Variants in ST7L observed in about 807,000 individuals in gnomAD.
ST7L encodes suppressor of tumorigenicity 7 protein-like.
In ST7L, 57 loss-of-function variants were observed where a neutral mutation model predicts 72.5. The observed-to-expected ratio is 0.79, with a 90% CI of 0.64 to 0.98. The LOEUF is 0.98. Among genes scored for constraint, ST7L ranks in the 50% least tolerant of loss-of-function variants. The pLI, the probability that ST7L is intolerant of heterozygous loss-of-function variation, is 0.00. For missense variants in ST7L, 576 were observed against 672.2 expected (o/e 0.86, Z 1.58); for synonymous variants, 221 against 240.9 (o/e 0.92, Z 0.77).
intron 14 of ST7L, among the ~76,000 whole-genome samples, chr1:112,534,211 C>T (rs1172345403): frequency 6.6e-6 from 1 of 152,208 alleles, no homozygotes; most frequent in Non-Finnish European, 1.5e-5. Flanking sequence ...TATCACCACT[C>T]TGTCATTCTC....
chr1:112,540,154 A>G (rs1655876991), intron 14 of ST7L: 2 of 985,298 alleles, frequency 2.0e-6, no homozygotes, highest in Non-Finnish European at 2.4e-6. Flanking sequence ...GAAATATACT[A>G]CTAACAGTTG....
rs1429467547 is a variant in ST7L, at chr1:112,541,972, G to T, written c.1608C>A (p.Ile536=). ...IAILTHQFPE[I]MGIFAKAVLG... ...TTACAGCTTTAGCAAAAATACCCAT[G>T]ATTTCAGGAAACTGGTGAGTGAGAA... Residue 536 remains isoleucine (I), a synonymous_variant, in exon 14 of 15, where the codon ATC becomes ATA. Coordinates refer to ENST00000358039, the MANE Select transcript of ST7L (RefSeq NM_017744.5). The T allele has an allele frequency of 6.2e-6, 10 of 1,613,670 alleles. No individual in the cohort carries two copies. Among genetic ancestry groups the T allele is most frequent in the Non-Finnish European group, 7.6e-6 (9 of 1,179,906 alleles).
At chr1:112,609,004 T>C (rs1232396848) in intron 3 of ST7L, among the ~76,000 whole-genome samples, 1 of 152,168 alleles carries the variant, frequency 6.6e-6, no homozygotes, top group African/African-American at 2.4e-5. Flanking sequence ...GGTTATTACC[T>C]ATCCCAGTGA....
intron 11 of ST7L, among the ~76,000 whole-genome samples, chr1:112,559,115 T>G (rs940129050): frequency 6.6e-5 from 10 of 152,222 alleles, no homozygotes; most frequent in African/African-American, 2.4e-4. Flanking sequence ...TCCGAAGCCT[T>G]AAACCCCAAC....
At chr1:112,527,786 C>G (rs1653701885) in intron 14 of ST7L, 1 of 152,244 alleles carries the variant, frequency 6.6e-6, no homozygotes, top group African/African-American at 2.4e-5. Context: ...TTGTAGGGAT[C>G]TATTCAGCAG....
In ST7L at chr1:112,592,979, C is replaced by A. The variant is rs545307564; in HGVS notation, c.623-1376G>T. ...AAAAAGACTCCAGATATACACCCCCCAAATTCCACAATAAGACTGTATTAA... is the reference window on the plus strand; with the variant it reads ...AAAAAGACTCCAGATATACACCCCCAAAATTCCACAATAAGACTGTATTAA... On this transcript the variant is annotated intron_variant, in intron 5 of 14. Coordinates refer to ENST00000358039, the MANE Select transcript of ST7L (RefSeq NM_017744.5). Among the ~76,000 whole-genome samples the A allele has an allele frequency of 3.3e-5, 5 of 152,248 alleles. No individual in the cohort carries two copies. In the East Asian group the frequency reaches 9.6e-4, roughly 29 times the overall value.
chr1:112,574,496 A>G (rs1209715291), intron 11 of ST7L, among the ~76,000 whole-genome samples: 1 of 151,714 alleles, frequency 6.6e-6, no homozygotes, highest in Non-Finnish European at 1.5e-5. Flanking sequence ...CGTCTCTACT[A>G]AAAATACAAA....
chr1:112,555,898 G>C lies in ST7L; in HGVS notation c.1366C>G (p.Leu456Val), dbSNP rs1659032870. 1.2e-6 allele frequency: 2 copies of C among 1,607,286 alleles called. No individual in the cohort carries two copies. Among genetic ancestry groups the C allele is most frequent in the Non-Finnish European group, 1.7e-6 (2 of 1,176,368 alleles). Reference protein sequence around the residue: ...LQHWKRIEGALNLLQCTWEGT... With the variant: ...LQHWKRIEGAVNLLQCTWEGT... ...TCCCATGTACACTGTAACAGATTAA[G>C]AGCACCTTCTATTCGTTTCCAGTGC... is the stretch of plus-strand genomic sequence containing the variant. The change falls in exon 12 of 15, where the codon CTT (leucine) becomes GTT (valine). Residue 456 changes from leucine to valine, a missense_variant. Physicochemically the swap from Leu to Val is conservative, Grantham distance 32. Transcript: ENST00000358039.
chr1:112,606,909 A>G (rs192820721), intron 3 of ST7L, among the ~76,000 whole-genome samples: 3 of 152,054 alleles, frequency 2.0e-5, no homozygotes, highest in Non-Finnish European at 4.4e-5. Flanking sequence ...TCTCCTAAAA[A>G]CCCTAGCTCC....
rs1371110564 is a variant in ST7L at position 112,570,736 on chromosome 1, C to A, written c.1245+6250G>T. On this transcript the variant is annotated intron_variant, in intron 11 of 14. Coordinates refer to ENST00000358039, the MANE Select transcript of ST7L (RefSeq NM_017744.5). The stretch of plus-strand genomic sequence containing the variant: ...TAACAGGAGAAAAAGAGGGTCTGTA[C>A]ATACTTCATCAATTGTAAAACCCTA... 7.9e-5 allele frequency: 36 copies of A among 456,252 alleles called. 1 individual carries two copies. The Admixed American group carries it at 8.5e-4, about 11-fold the overall frequency. The allele number at this position is 456,252 out of a possible 1,614,324, so 28.3% of individuals were successfully genotyped here. A position where few individuals can be genotyped will look rare whatever the true frequency, so the allele number is the denominator to read the frequency against.
chr1:112,583,904 G>T, intron 7 of ST7L, 68 bp downstream of exon 7: 3 of 1,509,318 alleles, frequency 2.0e-6, no homozygotes, highest in Non-Finnish European at 2.7e-6. Flanking sequence ...TATTATTGTT[G>T]TTTGTGTTAA....
intron 10 of ST7L, among the ~76,000 whole-genome samples, chr1:112,577,846 T>C (rs887511090): frequency 3.9e-5 from 6 of 152,262 alleles, no homozygotes; most frequent in Admixed American, 6.5e-5. Context: ...GGTTTCTGAG[T>C]ATCTTACCTG....
intron 14 of ST7L, chr1:112,529,028 T>C (rs984913628): frequency 2.0e-5 from 3 of 152,214 alleles, no homozygotes; most frequent in African/African-American, 7.2e-5. Flanking sequence ...GTCATACTTC[T>C]TAACCAAACT....
intron 6 of ST7L, 60 bp from the exon 7 acceptor site, chr1:112,584,186 G>T: frequency 6.6e-7 from 1 of 1,524,902 alleles, no homozygotes; most frequent in Non-Finnish European, 8.8e-7. Context: ...TTTTCTCTTG[G>T]TTATGTCCCT....
At chr1:112,588,044 ATCTT>A (rs1665131017) in intron 6 of ST7L, among the ~76,000 whole-genome samples, 1 of 152,230 alleles carries the variant, frequency 6.6e-6, no homozygotes. Flanking sequence ...AAGTATTTAA[ATCTT>A]TCTGATGCTT....
chr1:112,561,968 C>CTTT (rs35922454), intron 11 of ST7L, among the ~76,000 whole-genome samples: 3 of 136,812 alleles, frequency 2.2e-5, no homozygotes, highest in Non-Finnish European at 1.6e-5. Flanking sequence ...TAAAACTTTA[C>CTTT]TTTTTTTTTT....
intron 6 of ST7L, among the ~76,000 whole-genome samples, chr1:112,584,784 G>A (rs1200207229): frequency 6.6e-6 from 1 of 152,118 alleles, no homozygotes; most frequent in Non-Finnish European, 1.5e-5. Context: ...CACCATGCCC[G>A]GTTGATCATA....
At chr1:112,568,399 T>G (rs761681924) in intron 11 of ST7L, among the ~76,000 whole-genome samples, 28 of 147,860 alleles carry the variant, frequency 1.9e-4, no homozygotes, top group Non-Finnish European at 2.8e-4. Flanking sequence ...TGCAGTGGCA[T>G]GATCTCGGCT....
At chr1:112,531,564 G>A (rs140820693) in intron 14 of ST7L, among the ~76,000 whole-genome samples, 48 of 152,266 alleles carry the variant, frequency 3.2e-4, no homozygotes, top group Middle Eastern at 3.4e-3. Context: ...TACGGGAGCC[G>A]TGTGAAAATA....
Sources: gnomAD v4.1 joint callset for allele counts (sites outside exome capture counted in the v4.1 genomes callset) on GRCh38, gnomAD v4.1.1 for gene constraint, MANE v1.5 for transcripts, NCBI Gene and HGNC (gene_info 2026-07-23, HGNC 2026-07-21) for gene names.